Variants in VAMP7 observed in about 807,000 individuals in gnomAD.
VAMP7 encodes vesicle associated membrane protein 7.
Under a neutral mutation model 29.6 loss-of-function variants are expected in VAMP7, and 14 were observed. The observed-to-expected ratio is 0.47, with a 90% confidence interval of 0.31 to 0.74. VAMP7 has a LOEUF of 0.74. Ranked by LOEUF, VAMP7 falls within the 30% of genes least tolerant of loss-of-function variation. VAMP7 has a pLI of 0.05. For missense variants in VAMP7, 223 were observed against 262.4 expected (o/e 0.85, Z 1.04); for synonymous variants, 95 against 88.1 (o/e 1.08, Z -0.44).
chrX:155,938,075 T>C lies in VAMP7; in HGVS notation c.502-1626T>C, dbSNP rs187959188. On this transcript the variant is annotated intron_variant, in intron 6 of 7. Transcript: ENST00000286448. ...TTTTTTATGTCCTCTGATGACTTTG[T>C]TTAAAATTAGTTCAATTATGTCTTG... Among the ~76,000 whole-genome samples, 493 of 152,316 alleles carry C rather than the reference T, an allele frequency of 3.2e-3. 2 individuals are homozygous for C. The highest frequency in any genetic ancestry group is 0.011 in the African/African-American group (466 of 41,556).
At chrX:155,908,487 T>C (rs1415694487) in intron 5 of VAMP7, among the ~76,000 whole-genome samples, 2 of 151,358 alleles carry the variant, frequency 1.3e-5, no homozygotes, top group Non-Finnish European at 2.9e-5. Context: ...GAGATAGCAG[T>C]AGTACAGTCC....
At chrX:155,884,008 G>A (rs1171669907) in intron 1 of VAMP7, among the ~76,000 whole-genome samples, 1 of 150,784 alleles carries the variant, frequency 6.6e-6, no homozygotes, top group Admixed American at 6.6e-5. Context: ...CACCATGCCC[G>A]GCCAAGAAAC....
intron 6 of VAMP7, among the ~76,000 whole-genome samples, chrX:155,939,262 C>T (rs1285943828): frequency 6.6e-6 from 1 of 152,116 alleles, no homozygotes; most frequent in Non-Finnish European, 1.5e-5. Context: ...GGTTTTGGCC[C>T]TCACAAAAGT....
At chrX:155,923,657 G>A (rs1216786440) in intron 6 of VAMP7, among the ~76,000 whole-genome samples, 1 of 151,110 alleles carries the variant, frequency 6.6e-6, no homozygotes, top group African/African-American at 2.4e-5. Context: ...TATATGCCTT[G>A]GTATATATTT....
intron 5 of VAMP7, among the ~76,000 whole-genome samples, chrX:155,904,678 C>T (rs192134354): frequency 6.6e-6 from 1 of 152,094 alleles, no homozygotes; most frequent in African/African-American, 2.4e-5. Context: ...TAAATGGAAT[C>T]TTGTAATATG....
At chrX:155,920,847 C>T (rs1264393511) in intron 6 of VAMP7, among the ~76,000 whole-genome samples, 2 of 152,152 alleles carry the variant, frequency 1.3e-5, no homozygotes, top group Non-Finnish European at 2.9e-5. Flanking sequence ...TTTACAGGGA[C>T]ATCTATTAGC....
At chrX:155,901,892 C>T (rs78930385) in intron 5 of VAMP7, among the ~76,000 whole-genome samples, 4 of 151,882 alleles carry the variant, frequency 2.6e-5, no homozygotes, top group African/African-American at 7.2e-5. Context: ...AAAGTAGTTT[C>T]TTCCAATTCT....
At chrX:155,923,427 T>C (rs1240059375) in intron 6 of VAMP7, among the ~76,000 whole-genome samples, 1 of 138,022 alleles carries the variant, frequency 7.2e-6, no homozygotes, top group Admixed American at 7.0e-5. Flanking sequence ...TTTCACTTCC[T>C]TTTTTTTTTT....
In VAMP7 at chrX:155,898,195, A is replaced by G. The variant is rs751276633; in HGVS notation, c.288A>G (p.Thr96=). 9.3e-6 allele frequency: 15 copies of G among 1,613,580 alleles called. No individual in the cohort carries two copies. The highest frequency in any genetic ancestry group is 1.0e-5 in the Non-Finnish European group (12 of 1,179,672). Residue 96 remains threonine (T), a synonymous_variant, in exon 4 of 8, where the codon ACA becomes ACG. Coordinates refer to ENST00000286448, the MANE Select transcript of VAMP7 (RefSeq NM_005638.6). ...CTACTTACGGTTCAAGAGCACAGAC[A>G]GCACTTCCATATGCCATGAATAGCG... ...FQTTYGSRAQ[T]ALPYAMNSEF...
Position 155,942,644 on chromosome X carries a change from C to G in VAMP7, c.*693C>G, listed in dbSNP as rs988114809. The G allele has an allele frequency of 1.3e-5, 2 of 154,814 alleles. No homozygotes were observed. The highest frequency in any genetic ancestry group is 4.8e-5 in the African/African-American group (2 of 41,460). 9.6% of individuals were successfully genotyped at this position (154,814 alleles called of 1,614,324 possible). ...CTTGATATCTTCTGTTTTCCCATTG[C>G]AGTTGATTTGAGAAGATGAAGGTTT... On this transcript the variant is annotated 3_prime_UTR_variant, in exon 8 of 8. Transcript: ENST00000286448.
At chrX:155,903,608 C>T (rs1166059965) in intron 5 of VAMP7, among the ~76,000 whole-genome samples, 1 of 152,062 alleles carries the variant, frequency 6.6e-6, no homozygotes, top group Non-Finnish European at 1.5e-5. Context: ...TGAAAAAATG[C>T]TCACCATCAC....
intron 6 of VAMP7, among the ~76,000 whole-genome samples, chrX:155,935,732 T>C (rs1336671292): frequency 1.3e-5 from 2 of 152,226 alleles, no homozygotes; most frequent in African/African-American, 4.8e-5. Context: ...ACCTTTGTTC[T>C]GTTGCTGGTG....
At chrX:155,912,710 A>G (rs1223745925) in intron 5 of VAMP7, among the ~76,000 whole-genome samples, 1 of 152,110 alleles carries the variant, frequency 6.6e-6, no homozygotes, top group Admixed American at 6.6e-5. Context: ...TTATGGCTGC[A>G]TAGTATTCCA....
intron 1 of VAMP7, among the ~76,000 whole-genome samples, chrX:155,887,371 G>A (rs1217226672): frequency 1.3e-5 from 2 of 152,142 alleles, no homozygotes; most frequent in African/African-American, 2.4e-5. Context: ...GGTAGAGGAG[G>A]AAGAGTCAGC....
intron 5 of VAMP7, among the ~76,000 whole-genome samples, chrX:155,903,243 A>G (rs866022522): frequency 1.3e-5 from 2 of 152,160 alleles, no homozygotes; most frequent in Non-Finnish European, 2.9e-5. Context: ...ACCTAAAACC[A>G]TAAAAACCGT....
intron 6 of VAMP7, among the ~76,000 whole-genome samples, chrX:155,925,093 CTTCTA>C (rs1345329488): frequency 3.3e-5 from 5 of 152,186 alleles, no homozygotes; most frequent in Non-Finnish European, 7.3e-5. Flanking sequence ...TTCTAGTTCT[CTTCTA>C]TTTCTACCAC....
chrX:155,926,594 A>G (rs777140970), intron 6 of VAMP7, among the ~76,000 whole-genome samples: 5 of 152,332 alleles, frequency 3.3e-5, no homozygotes, highest in African/African-American at 9.6e-5. Context: ...AACATTCTCC[A>G]TATCAGCAGT....
intron 6 of VAMP7, among the ~76,000 whole-genome samples, chrX:155,928,630 TC>T (rs1224998928): frequency 2.6e-5 from 4 of 152,196 alleles, no homozygotes; most frequent in Non-Finnish European, 5.9e-5. Context: ...ACATGGATAA[TC>T]CAGGATACTC....
At chrX:155,932,472 T>C (rs1180484111) in intron 6 of VAMP7, among the ~76,000 whole-genome samples, 1 of 152,194 alleles carries the variant, frequency 6.6e-6, no homozygotes, top group Non-Finnish European at 1.5e-5. Context: ...TTGAAGCAAT[T>C]GTGAATGGGA....
Sources: allele counts gnomAD v4.1 joint callset (sites outside exome capture counted in the v4.1 genomes callset), GRCh38; gene constraint gnomAD v4.1.1; transcripts MANE v1.5; gene names NCBI Gene and HGNC (gene_info 2026-07-23, HGNC 2026-07-21).